Variants in COL24A1 observed in about 807,000 individuals in gnomAD.
COL24A1 encodes the protein collagen type XXIV alpha 1 chain.
In COL24A1, 224 loss-of-function variants were observed where a neutral mutation model predicts 253.9. The observed-to-expected ratio is 0.88, with a 90% confidence interval of 0.79 to 0.99. COL24A1 has a LOEUF of 0.99. COL24A1 is among the 50% of genes least tolerant of loss of function. COL24A1 has a pLI of 0.00. For missense variants in COL24A1, 2,131 were observed against 2,068.5 expected, an observed-to-expected ratio of 1.03 and a Z score of -0.59; for synonymous variants, 685 against 673.7, an observed-to-expected ratio of 1.02 and a Z score of -0.26.
chr1:85,767,804 T>C (rs1177743497), intron 53 of COL24A1, among the ~76,000 whole-genome samples: 1 of 152,224 alleles, frequency 6.6e-6, no homozygotes, highest in Non-Finnish European at 1.5e-5. Flanking sequence ...CAGGAAATGC[T>C]ACTTTACCAG....
chr1:86,020,131 A>T (rs1697381956), intron 18 of COL24A1, among the ~76,000 whole-genome samples: 1 of 134,098 alleles, frequency 7.5e-6, no homozygotes, highest in East Asian at 2.5e-4. Context: ...CCAGTGGCGC[A>T]ATCTTGACTT....
intron 47 of COL24A1, among the ~76,000 whole-genome samples, chr1:85,787,024 T>G (rs1335064547): frequency 1.3e-5 from 2 of 150,916 alleles, no homozygotes; most frequent in Non-Finnish European, 1.5e-5. Context: ...CTAAGAACAG[T>G]TTTTACATTT....
At chr1:85,966,053 T>G (rs533715781) in intron 22 of COL24A1, among the ~76,000 whole-genome samples, 1 of 152,096 alleles carries the variant, frequency 6.6e-6, no homozygotes. Flanking sequence ...AGAGTCCAAA[T>G]AAGCGTCTAG....
intron 13 of COL24A1, 80 bp from the exon 14 acceptor site, chr1:86,032,002 T>C: frequency 8.6e-7 from 1 of 1,160,762 alleles, no homozygotes; most frequent in Non-Finnish European, 1.3e-6. Flanking sequence ...AACACAAAAC[T>C]TTCTAGCTAA....
intron 1 of COL24A1, among the ~76,000 whole-genome samples, chr1:86,153,546 G>A (rs1369885293): frequency 1.3e-5 from 2 of 152,192 alleles, no homozygotes; most frequent in African/African-American, 4.8e-5. Flanking sequence ...GGCATGGCAA[G>A]GAAACTAGCA....
chr1:85,899,221 G>T (rs994095117), intron 28 of COL24A1, among the ~76,000 whole-genome samples: 1 of 151,380 alleles, frequency 6.6e-6, no homozygotes, highest in African/African-American at 2.4e-5. Flanking sequence ...ATTTTTTTTT[G>T]AGTAACAAAA....
chr1:85,757,581 C>T (rs1365958987), intron 55 of COL24A1, among the ~76,000 whole-genome samples: 1 of 151,878 alleles, frequency 6.6e-6, no homozygotes, highest in African/African-American at 2.4e-5. Flanking sequence ...ATTTTTTTTC[C>T]CAACAGGTAT....
chr1:85,858,296 T>C (rs1460864958), intron 37 of COL24A1, among the ~76,000 whole-genome samples: 1 of 152,226 alleles, frequency 6.6e-6, no homozygotes, highest in Non-Finnish European at 1.5e-5. Flanking sequence ...AAACCTCTTA[T>C]CATGGTCTAT....
intron 5 of COL24A1, among the ~76,000 whole-genome samples, chr1:86,100,713 A>G (rs1399155438): frequency 1.3e-5 from 2 of 151,642 alleles, no homozygotes; most frequent in African/African-American, 4.8e-5. Context: ...ACTTTCCCCT[A>G]CCCCCTCTGC....
chr1:85,877,654 C>T (rs189544599), intron 32 of COL24A1, among the ~76,000 whole-genome samples: 5 of 152,230 alleles, frequency 3.3e-5, no homozygotes, highest in East Asian at 3.9e-4. Context: ...TGAGCCACTG[C>T]GCCCAGCTTC....
At chr1:86,068,816 G>A (rs778567616) in intron 7 of COL24A1, among the ~76,000 whole-genome samples, 2 of 152,074 alleles carry the variant, frequency 1.3e-5, no homozygotes, top group East Asian at 1.9e-4. Context: ...AAGCAGAGAC[G>A]TGAGGCCCCC....
chr1:85,895,485 A>G (rs1571122328), intron 31 of COL24A1, among the ~76,000 whole-genome samples: 2 of 152,178 alleles, frequency 1.3e-5, no homozygotes, highest in African/African-American at 2.4e-5. Context: ...TTTTACAGTA[A>G]AAGTAATTTA....
chr1:85,883,088 G>A (rs1254450252), intron 32 of COL24A1, among the ~76,000 whole-genome samples: 2 of 152,146 alleles, frequency 1.3e-5, no homozygotes, highest in South Asian at 2.1e-4. Flanking sequence ...ATATCATTGA[G>A]TTAGTATATA....
intron 20 of COL24A1, among the ~76,000 whole-genome samples, chr1:85,981,796 A>G (rs1693277457): frequency 6.6e-6 from 1 of 152,172 alleles, no homozygotes; most frequent in Non-Finnish European, 1.5e-5. Flanking sequence ...CTATAACTCA[A>G]TAGCAAACAC....
At chr1:85,934,728 G>A (rs896833921) in intron 24 of COL24A1, among the ~76,000 whole-genome samples, 1 of 152,008 alleles carries the variant, frequency 6.6e-6, no homozygotes, top group Non-Finnish European at 1.5e-5. Flanking sequence ...ACACAGACTT[G>A]CCCATTTGTT....
chr1:85,901,824 CA>C (rs55862441), intron 28 of COL24A1, among the ~76,000 whole-genome samples: 65 of 57,782 alleles, frequency 1.1e-3, no homozygotes, highest in African/African-American at 1.2e-3. Flanking sequence ...GACTCCGTCT[CA>C]AAAAAAAAAA....
At chr1:85,830,912 C>A (rs111883045) in intron 43 of COL24A1, among the ~76,000 whole-genome samples, 1 of 152,040 alleles carries the variant, frequency 6.6e-6, no homozygotes, top group African/African-American at 2.4e-5. Context: ...AGCTGTAGAC[C>A]GGAGCTGTTC....
intron 45 of COL24A1, 105 bp from the exon 46 acceptor site, chr1:85,818,192 G>A (rs934014125): frequency 9.9e-6 from 8 of 805,478 alleles, no homozygotes; most frequent in African/African-American, 1.7e-5. Context: ...GAACTAGCAC[G>A]AACTAGTTGT....
At chr1:86,113,061 A>G (rs928945051) in intron 4 of COL24A1, among the ~76,000 whole-genome samples, 6 of 152,196 alleles carry the variant, frequency 3.9e-5, no homozygotes, top group South Asian at 2.1e-4. Flanking sequence ...CTAGTGTAGC[A>G]CTTAACACAT....
Sources: gnomAD v4.1 joint callset for allele counts (sites outside exome capture counted in the v4.1 genomes callset) on GRCh38, gnomAD v4.1.1 for gene constraint, MANE v1.5 for transcripts, NCBI Gene and HGNC (gene_info 2026-07-23, HGNC 2026-07-21) for gene names.